Variants in UBE2Z observed in about 807,000 individuals in gnomAD.
The protein encoded by UBE2Z is ubiquitin-conjugating enzyme E2 Z.
A neutral mutation model predicts 32.6 loss-of-function variants in UBE2Z; 10 were observed. That is an observed-to-expected ratio of 0.31 (90% CI 0.19 to 0.52). The LOEUF (loss-of-function observed/expected upper bound fraction) is 0.52, where lower values mean the gene tolerates loss of function less well. UBE2Z is among the 20% of genes least tolerant of loss of function. The pLI is 0.97. For synonymous variants in UBE2Z, 183 were observed against 190.8 expected (o/e 0.96, Z 0.34); for missense variants, 343 against 480.9 (o/e 0.71, Z 2.68).
chr17:48,916,262 T>G lies in UBE2Z; in HGVS notation c.690+75T>G, dbSNP rs529654367. 30 of 687,228 alleles carry G rather than the reference T, an allele frequency of 4.4e-5. 1 individual carries two copies. The highest frequency in any genetic ancestry group is 5.4e-5 in the Non-Finnish European group (25 of 464,660). The allele number at this position is 687,228 out of a possible 1,614,324, so 42.6% of individuals were successfully genotyped here. A position where few individuals can be genotyped will look rare whatever the true frequency, so the allele number is the denominator to read the frequency against. On this transcript the variant is annotated intron_variant, in intron 4 of 6. Transcript: ENST00000360943. ...GTTTGGTTGGTTGGTTTTTTTGTTT[T>G]TTTTTTTTTTTGAGACAGAGTCTTC...
intron 6 of UBE2Z, among the ~76,000 whole-genome samples, chr17:48,923,479 A>G (rs1321489546): frequency 2.0e-5 from 3 of 151,880 alleles, no homozygotes; most frequent in Admixed American, 1.3e-4. Context: ...AAAAACACAA[A>G]AAATTGGCTC....
rs890768506 is a variant in UBE2Z at position 48,922,120 on chromosome 17, C to G, written c.804-727C>G. ...ACGGGCAGTTAGGTGTTCCTTTTTC[C>G]AAAAGGAACTGTAATCCCAGCACTT... On this transcript the variant is annotated intron_variant, in intron 5 of 6. Transcript: ENST00000360943. 6.3e-4 allele frequency among the ~76,000 whole-genome samples: 96 copies of G among 151,998 alleles called. 4 individuals are homozygous for G. Among genetic ancestry groups the G allele is most frequent in the Non-Finnish European group, 1.5e-5 (1 of 67,984 alleles).
chr17:48,917,192 G>C (rs892617819), intron 4 of UBE2Z, among the ~76,000 whole-genome samples: 1 of 152,108 alleles, frequency 6.6e-6, no homozygotes, highest in Admixed American at 6.6e-5. Context: ...TGTAGTCCCA[G>C]CTACTCGGAG....
intron 6 of UBE2Z, among the ~76,000 whole-genome samples, chr17:48,926,100 A>G (rs1447236311): frequency 2.0e-5 from 3 of 152,198 alleles, no homozygotes; most frequent in Admixed American, 2.0e-4. Flanking sequence ...AAGAAGGACT[A>G]AGATCGAGGC....
rs2040715225 is a variant in UBE2Z, at chr17:48,915,867, C to CCG, written c.579-208_579-207insGC. On this transcript the variant is annotated intron_variant, in intron 3 of 6. Coordinates refer to ENST00000360943, the MANE Select transcript of UBE2Z (RefSeq NM_023079.5). ...AGCTTGCTATTACCTGTTCTTTTGC[C>CCG]CCCCCCCCTTGATTTGAGGATTAGG... 9.7e-6 allele frequency: 3 copies of CCG among 308,366 alleles called. No individual in the cohort carries two copies. The South Asian group carries it at 1.4e-4, about 15-fold the overall frequency. 19.1% of individuals were successfully genotyped at this position (308,366 alleles called of 1,614,324 possible).
chr17:48,910,737 T>C (rs2040670752), intron 1 of UBE2Z, 71 bp from the exon 2 acceptor site: 2 of 1,181,466 alleles, frequency 1.7e-6, no homozygotes, highest in Non-Finnish European at 1.3e-6. Context: ...ATAACAACTG[T>C]CCTGCTCAAG....
chr17:48,908,552 G>A lies in UBE2Z; in HGVS notation c.49G>A (p.Ala17Thr). The A allele has an allele frequency of 8.1e-7, 1 of 1,236,952 alleles. No individual in the cohort carries two copies. The highest frequency in any genetic ancestry group is 1.6e-5 in the African/African-American group (1 of 64,392). 76.6% of individuals were successfully genotyped at this position (1,236,952 alleles called of 1,614,324 possible). ...GGCGGCAACGGCGGGCGCCGGGGCG[G>A]CGGGCCCCGGGGCGAGCAGCGTTGC... Reference protein sequence around the residue: ...EEAATAGAGAAGPGASSVAGV... With the variant: ...EEAATAGAGATGPGASSVAGV... Residue 17 changes from alanine (A) to threonine (T), a missense_variant, in exon 1 of 7, where the codon GCG becomes ACG. By Grantham distance (58) the Ala-to-Thr change is moderately conservative. Transcript: ENST00000360943.
intron 4 of UBE2Z, 36 bp from the exon 5 acceptor site, chr17:48,921,124 A>G (rs776452089): frequency 1.3e-6 from 2 of 1,559,782 alleles, no homozygotes; most frequent in East Asian, 2.3e-5. Context: ...CTTTTTGCTT[A>G]ATTTTTGGAA....
intron 3 of UBE2Z, 55 bp downstream of exon 3, chr17:48,913,076 G>C (rs2040691877): frequency 1.3e-6 from 2 of 1,564,862 alleles, no homozygotes; most frequent in Admixed American, 3.6e-5. Context: ...ATTACTCTAG[G>C]TCAGCCTTTA....
intron 3 of UBE2Z, among the ~76,000 whole-genome samples, chr17:48,914,392 C>CT (rs1422027486): frequency 6.6e-6 from 1 of 152,172 alleles, no homozygotes; most frequent in Non-Finnish European, 1.5e-5. Flanking sequence ...TTTTCTAGGA[C>CT]TTGCTCAGAC....
At chr17:48,916,860 G>T (rs1270102011) in intron 4 of UBE2Z, among the ~76,000 whole-genome samples, 1 of 151,562 alleles carries the variant, frequency 6.6e-6, no homozygotes, top group African/African-American at 2.4e-5. Context: ...GACCAGCCTG[G>T]CCAACATGGT....
Position 48,908,707 on chromosome 17 carries a change from C to T in UBE2Z, c.204C>T (p.Leu68=), listed in dbSNP as rs2040648349. The change falls in exon 1 of 7, where the codon CTC becomes CTT. Residue 68 remains leucine (L), a synonymous_variant. Transcript: ENST00000360943. ...GCGGCCTGGCTCCGCTGCCCGGGCT[C>T]CCGCCCTCAGCCGCTGCCCACGGGG... is the stretch of plus-strand genomic sequence containing the variant. ...PGSGLAPLPG[L]PPSAAAHGAA... 1.5e-6 allele frequency: 2 copies of T among 1,344,654 alleles called. No homozygotes were observed. Among genetic ancestry groups the T allele is most frequent in the South Asian group, 1.7e-5 (1 of 57,590 alleles). The allele number at this position is 1,344,654 out of a possible 1,614,324, so 83.3% of individuals were successfully genotyped here. A position where few individuals can be genotyped will look rare whatever the true frequency, so the allele number is the denominator to read the frequency against.
chr17:48,920,830 A>G (rs540087282), intron 4 of UBE2Z, among the ~76,000 whole-genome samples: 17 of 152,120 alleles, frequency 1.1e-4, no homozygotes, highest in East Asian at 7.8e-4. Flanking sequence ...AGGCTTAGCA[A>G]CCCTACCATC....
At chr17:48,923,369 G>A (rs548352017) in intron 6 of UBE2Z, among the ~76,000 whole-genome samples, 7 of 148,264 alleles carry the variant, frequency 4.7e-5, no homozygotes, top group African/African-American at 1.8e-4. Flanking sequence ...GGTGGCTCAC[G>A]CCTGTAATCC....
rs571707962 is a variant in UBE2Z at position 48,921,799 on chromosome 17, C to T, written c.803+527C>T. Among the ~76,000 whole-genome samples the T allele has an allele frequency of 2.2e-4, 33 of 151,890 alleles. No individual in the cohort carries two copies. In the East Asian group the frequency reaches 5.8e-3, roughly 27 times the overall value. On this transcript the variant is annotated intron_variant, in intron 5 of 6. Coordinates refer to ENST00000360943, the MANE Select transcript of UBE2Z (RefSeq NM_023079.5). ...ATCCTAGTACTTTGGGAGGCTGAGG[C>T]GGGAGGATCACTTGAGCCCAAGAGT...
chr17:48,921,166 C>A lies in UBE2Z; in HGVS notation c.697C>A (p.His233Asn), dbSNP rs1383780498. Reference protein sequence around the residue: ...HNEPGFEQERHPGDSKNYNEC... With the variant: ...HNEPGFEQERNPGDSKNYNEC... ...GGCATCTGTTACATTATAGGAGAGA[C>A]ATCCAGGAGACAGCAAAAACTATAA... Residue 233 changes from histidine (H) to asparagine (N), a missense_variant, in exon 5 of 7, where the codon CAT becomes AAT. Around this residue, in one of 4 missense-constraint regions of UBE2Z, gnomAD observed 182 missense variants for 312.4 expected, o/e 0.58. Transcript: ENST00000360943. The A allele has an allele frequency of 6.2e-7, 1 of 1,609,882 alleles. No homozygotes were observed. Among genetic ancestry groups the A allele is most frequent in the Non-Finnish European group, 8.5e-7 (1 of 1,178,020 alleles).
rs1215909233 is a variant in UBE2Z at position 48,921,291 on chromosome 17, T to G, written c.803+19T>G. On this transcript the variant is annotated intron_variant, in intron 5 of 6. Transcript: ENST00000360943. ...CCCTACGGTATGTGTCAAGCGGGCT[T>G]GCTTGGTATTCCTTTCGGGCATTTG... 1.3e-6 allele frequency: 2 copies of G among 1,591,052 alleles called. No homozygotes were observed. Among genetic ancestry groups the G allele is most frequent in the South Asian group, 1.1e-5 (1 of 88,094 alleles).
intron 3 of UBE2Z, 105 bp from the exon 4 acceptor site, chr17:48,915,969 AAG>A: frequency 1.6e-6 from 1 of 614,312 alleles, no homozygotes. Flanking sequence ...TTAATAGTGA[AAG>A]AGAAACTTAT....
chr17:48,915,264 A>G (rs2040710672), intron 3 of UBE2Z, among the ~76,000 whole-genome samples: 1 of 152,192 alleles, frequency 6.6e-6, no homozygotes, highest in Non-Finnish European at 1.5e-5. Context: ...ACTATTAGGC[A>G]TTACTGACTT....
Sources: allele counts gnomAD v4.1 joint callset (sites outside exome capture counted in the v4.1 genomes callset), GRCh38; gene constraint gnomAD v4.1.1; regional missense constraint gnomAD v4.1.1; transcripts MANE v1.5; gene names NCBI Gene and HGNC (gene_info 2026-07-23, HGNC 2026-07-21).